The following ART1 variants were observed in gnomAD, a reference collection of about 807,000 sequenced individuals.
ART1 encodes the protein ADP-ribosyltransferase 1.
Under a neutral mutation model 27.0 loss-of-function variants are expected in ART1, and 29 were observed. That is an observed-to-expected ratio of 1.08 (90% CI 0.80 to 1.47). ART1 has a LOEUF of 1.47. Among genes scored for constraint, ART1 ranks in the 40% most tolerant of loss-of-function variants. The probability of loss-of-function intolerance (pLI) is 0.00; values close to 1 mark genes in which losing one functional copy is unlikely to be tolerated. For missense variants in ART1, 480 were observed against 423.0 expected, an observed-to-expected ratio of 1.13 and a Z score of -1.18; for synonymous variants, 201 against 172.2, an observed-to-expected ratio of 1.17 and a Z score of -1.31.
At chr11:3,648,473 C>T (rs191163803) in intron 1 of ART1, among the ~76,000 whole-genome samples, 20 of 152,316 alleles carry the variant, frequency 1.3e-4, no homozygotes, top group Non-Finnish European at 2.6e-4. Flanking sequence ...ACTCTTTTTA[C>T]TCACTTCTCC....
Position 3,663,025 on chromosome 11 carries a change from CTCATCTCA to C in ART1, c.887-1056_887-1049del, listed in dbSNP as rs1417904912. On this transcript the variant is annotated intron_variant, in intron 4 of 4. Coordinates refer to ENST00000250693, the MANE Select transcript of ART1 (RefSeq NM_004314.3). Reference sequence around the variant, plus strand: ...ACATCATCTCATCTCATCATCTCATCTCATCTCATCATCTCATCTCATCTCATCTCATC... The same window carrying C: ...ACATCATCTCATCTCATCATCTCATCTCATCTCATCTCATCTCATCTCATC... Among the ~76,000 whole-genome samples, 303 of 138,544 alleles carry C rather than the reference CTCATCTCA, an allele frequency of 2.2e-3. 9 individuals carry two copies. The highest frequency in any genetic ancestry group is 8.4e-3 in the African/African-American group (292 of 34,666). The allele number at this position is 138,544 out of a possible 152,430, so 90.9% of individuals were successfully genotyped here. A position where few individuals can be genotyped will look rare whatever the true frequency, so the allele number is the denominator to read the frequency against.
Position 3,664,329 on chromosome 11 carries a change from C to G in ART1, c.*140C>G. 1.3e-6 allele frequency: 1 copy of G among 773,788 alleles called. No homozygotes were observed. The highest frequency in any genetic ancestry group is 2.1e-6 in the Non-Finnish European group (1 of 472,506). 47.9% of individuals were successfully genotyped at this position (773,788 alleles called of 1,614,324 possible). A position where few individuals can be genotyped will look rare whatever the true frequency, so the allele number is the denominator to read the frequency against. On this transcript the variant is annotated 3_prime_UTR_variant, in exon 5 of 5. Coordinates refer to ENST00000250693, the MANE Select transcript of ART1 (RefSeq NM_004314.3). Reference sequence around the variant, plus strand: ...GGACCTTCTCTGGTAGCTGCCAGACCGGCTGGTGGAGAAACAGGAGACAAT... The same window carrying G: ...GGACCTTCTCTGGTAGCTGCCAGACGGGCTGGTGGAGAAACAGGAGACAAT...
chr11:3,650,434 A>G (rs1332864477), intron 1 of ART1, among the ~76,000 whole-genome samples: 1 of 152,204 alleles, frequency 6.6e-6, no homozygotes, highest in Admixed American at 6.5e-5. Flanking sequence ...TTGCCTCGGA[A>G]GCCCCCTAGA....
Position 3,645,432 on chromosome 11 carries a change from C to T in ART1, c.-53+253C>T, listed in dbSNP as rs187155628. Among the ~76,000 whole-genome samples, 309 of 152,188 alleles carry T rather than the reference C, an allele frequency of 2.0e-3. 1 individual carries two copies. Among genetic ancestry groups the T allele is most frequent in the African/African-American group, 7.2e-3 (297 of 41,526 alleles). On this transcript the variant is annotated intron_variant, in intron 1 of 4. Coordinates refer to ENST00000250693, the MANE Select transcript of ART1 (RefSeq NM_004314.3). ...TGAGAAACTGATGACAGAATTGCTC[C>T]GAGCAGGATGAGAGGGAGGACAGAA...
chr11:3,659,085 C>T, intron 1 of ART1, 77 bp from the exon 2 acceptor site: 1 of 864,648 alleles, frequency 1.2e-6, no homozygotes, highest in East Asian at 2.7e-5. Flanking sequence ...CTCTCAGTGC[C>T]AAGCACTAGG....
chr11:3,653,658 T>C (rs2133954272), intron 1 of ART1, among the ~76,000 whole-genome samples: 2 of 152,268 alleles, frequency 1.3e-5, no homozygotes, highest in Middle Eastern at 6.8e-3. Flanking sequence ...TCGTATTTTT[T>C]TTAAATCTAC....
chr11:3,648,337 C>T (rs1412528314), intron 1 of ART1, among the ~76,000 whole-genome samples: 1 of 152,190 alleles, frequency 6.6e-6, no homozygotes, highest in African/African-American at 2.4e-5. Context: ...ATCGGGGGAC[C>T]TCCCTTAGGA....
rs1554883052 is a variant in ART1 at position 3,661,369 on chromosome 11, T to C, written c.845-3T>C. 1.9e-6 allele frequency: 3 copies of C among 1,611,812 alleles called. No homozygotes were observed. The highest frequency in any genetic ancestry group is 1.7e-5 in the Admixed American group (1 of 59,550). ...TTCATTCTTTACTGTTTCTTTTCTA[T>C]AGACAAGAAGTGCAAGTCTGGGCCT... On this transcript the variant is annotated splice_region_variant and splice_polypyrimidine_tract_variant and intron_variant, in intron 3 of 4. Transcript: ENST00000250693.
At position 3,659,604 on chromosome 11, in the gene ART1, C is replaced by A; in HGVS notation, c.85C>A (p.Arg29=). The A allele has an allele frequency of 6.2e-7, 1 of 1,606,158 alleles. No homozygotes were observed. The highest frequency in any genetic ancestry group is 1.3e-5 in the African/African-American group (1 of 75,008). The change falls in exon 3 of 5, where the codon CGA becomes AGA. Residue 29 remains arginine, a synonymous_variant. Coordinates refer to ENST00000250693, the MANE Select transcript of ART1 (RefSeq NM_004314.3). The part of the protein sequence containing the change: ...ALQAQSHPIT[R]RDLFSQEIQL... ...TCAGGCCCAGAGCCACCCCATCACA[C>A]GACGAGACCTCTTCTCTCAAGAGAT...
rs1016117048 is a variant in ART1, at chr11:3,653,391, T to C, written c.-52-5771T>C. Among the ~76,000 whole-genome samples, 6 of 148,204 alleles carry C rather than the reference T, an allele frequency of 4.0e-5. 1 individual carries two copies. Among genetic ancestry groups the C allele is most frequent in the Non-Finnish European group, 5.9e-5 (4 of 67,918 alleles). On this transcript the variant is annotated intron_variant, in intron 1 of 4. Transcript: ENST00000250693. ...TGACATTGTCTTGTGAAATTCCTTC[T>C]CCTGGCTCATCCTGGCTCAAAAGCT... is the stretch of plus-strand genomic sequence containing the variant.
intron 1 of ART1, among the ~76,000 whole-genome samples, chr11:3,652,022 C>T (rs966897109): frequency 1.2e-4 from 18 of 151,806 alleles, no homozygotes; most frequent in African/African-American, 3.2e-4. Flanking sequence ...TCCTTTCCAT[C>T]GTGGAAATCT....
intron 4 of ART1, among the ~76,000 whole-genome samples, chr11:3,663,015 A>ATCATC (rs201076762): frequency 6.6e-4 from 88 of 133,232 alleles, no homozygotes; most frequent in Non-Finnish European, 4.8e-4. Flanking sequence ...ATCTCATCTC[A>ATCATC]TCATCTCATC....
chr11:3,649,845 G>A (rs995308320), intron 1 of ART1, among the ~76,000 whole-genome samples: 8 of 152,046 alleles, frequency 5.3e-5, no homozygotes, highest in Non-Finnish European at 8.8e-5. Flanking sequence ...GAAAAACCCC[G>A]CCCAGTTCAT....
chr11:3,662,204 G>C (rs1370669157), intron 4 of ART1, among the ~76,000 whole-genome samples: 1 of 152,174 alleles, frequency 6.6e-6, no homozygotes. Flanking sequence ...CTTTCTCTAC[G>C]ACCAACCCAT....
chr11:3,659,661 G>A lies in ART1; in HGVS notation c.142G>A (p.Asp48Asn), dbSNP rs768939051. Residue 48 changes from aspartate to asparagine, a missense_variant, in exon 3 of 5, where the codon GAC (aspartate) becomes AAC (asparagine). By Grantham distance (23) the Asp-to-Asn change is conservative. Coordinates refer to ENST00000250693, the MANE Select transcript of ART1 (RefSeq NM_004314.3). The stretch of plus-strand genomic sequence containing the variant: ...GGACATGGCCCTGGCCTCCTTTGAT[G>A]ACCAGTACGCTGGCTGTGCTGCTGC... ...QLDMALASFD[D>N]QYAGCAAAMT... The A allele has an allele frequency of 8.7e-6, 14 of 1,613,852 alleles. No individual in the cohort carries two copies. The South Asian group carries it at 9.9e-5, about 11-fold the overall frequency.
At chr11:3,655,842 G>T (rs2077570194) in intron 1 of ART1, among the ~76,000 whole-genome samples, 1 of 151,208 alleles carries the variant, frequency 6.6e-6, no homozygotes, top group Admixed American at 6.6e-5. Flanking sequence ...CCCATGACTG[G>T]ATTCTACACA....
chr11:3,657,317 G>A (rs1285756298), intron 1 of ART1, among the ~76,000 whole-genome samples: 1 of 152,210 alleles, frequency 6.6e-6, no homozygotes, highest in Non-Finnish European at 1.5e-5. Context: ...GCTCACGCCT[G>A]TAATCCCAGC....
At position 3,659,705 on chromosome 11, in the gene ART1, G is replaced by A. The variant is rs769207726; in HGVS notation, c.186G>A (p.Pro62=). 1.6e-5 allele frequency: 26 copies of A among 1,613,764 alleles called. No individual in the cohort carries two copies. Among genetic ancestry groups the A allele is most frequent in the East Asian group, 1.1e-4 (5 of 44,884 alleles). ...CTGCTGCCATGACAGCTGCTCTCCC[G>A]GATCTCAACCACACGGAGTTCCAGG... ...GCAAAMTAAL[P]DLNHTEFQAN... Residue 62 remains proline (P), a synonymous_variant, in exon 3 of 5, where the codon CCG becomes CCA. Transcript: ENST00000250693.
chr11:3,659,020 T>C (rs1286804645), intron 1 of ART1, 142 bp from the exon 2 acceptor site: 3 of 591,208 alleles, frequency 5.1e-6, no homozygotes, highest in East Asian at 5.6e-5. Flanking sequence ...GTCACTCATG[T>C]TCCTTTCAGC....
Sources: allele counts gnomAD v4.1 joint callset (sites outside exome capture counted in the v4.1 genomes callset), GRCh38; gene constraint gnomAD v4.1.1; transcripts MANE v1.5; gene names NCBI Gene and HGNC (gene_info 2026-07-23, HGNC 2026-07-21).